Variants in GRIA1 observed in about 807,000 individuals in gnomAD.
GRIA1 encodes the protein glutamate ionotropic receptor AMPA type subunit 1, also known as glutamate receptor 1.
Under a neutral mutation model 99.2 loss-of-function variants are expected in GRIA1, and 31 were observed. The ratio of observed to expected loss-of-function variants is 0.31; its 90% confidence interval spans 0.23 to 0.42. The LOEUF (loss-of-function observed/expected upper bound fraction) is 0.42, where lower values mean the gene tolerates loss of function less well. GRIA1 is among the 10% of genes least tolerant of loss of function. The pLI is 1.00. For synonymous variants in GRIA1, 438 were observed against 432.4 expected (o/e 1.01, Z -0.16); for missense variants, 782 against 1,157.5 (o/e 0.68, Z 4.71).
rs748631549 is a variant in GRIA1 at position 153,650,425 on chromosome 5, C to T, written c.556C>T (p.Arg186Trp). The change falls in exon 4 of 16, where the codon CGG becomes TGG. Residue 186 changes from arginine to tryptophan, a missense_variant. Arg to Trp is a moderately radical substitution (Grantham distance 101, BLOSUM62 -3). This residue lies in a region of GRIA1 where 461 missense variants were observed against 521.7 expected (regional missense o/e 0.88). Coordinates refer to ENST00000285900, the MANE Select transcript of GRIA1 (RefSeq NM_000827.4). The part of the protein sequence containing the change: ...NILTTTEEGY[R>W]MLFQDLEKKK... ...TTTGACAACCACAGAGGAGGGATAC[C>T]GGATGCTCTTTCAGGACCTGGAGAA... is the stretch of plus-strand genomic sequence containing the variant. 32 of 1,613,796 alleles carry T rather than the reference C, an allele frequency of 2.0e-5. No individual in the cohort carries two copies. The highest frequency in any genetic ancestry group is 1.7e-5 in the Admixed American group (1 of 59,968).
chr5:153,545,910 T>G lies in GRIA1; in HGVS notation c.220+51845T>G, dbSNP rs558057846. ...CGGCCAACCCCTGTTTAAGGCATGA[T>G]GGCCCTGCCTATTAGCAAATATGTC... On this transcript the variant is annotated intron_variant, in intron 2 of 15. Coordinates refer to ENST00000285900, the MANE Select transcript of GRIA1 (RefSeq NM_000827.4). 8.5e-5 allele frequency among the ~76,000 whole-genome samples: 13 copies of G among 152,366 alleles called. No homozygotes were observed. The South Asian group carries it at 2.5e-3, about 29-fold the overall frequency.
At position 153,542,618 on chromosome 5, in the gene GRIA1, G is replaced by T. The variant is rs561196171; in HGVS notation, c.220+48553G>T. Among the ~76,000 whole-genome samples, 5 of 152,344 alleles carry T rather than the reference G, an allele frequency of 3.3e-5. No homozygotes were observed. The South Asian group carries it at 1.0e-3, about 32-fold the overall frequency. On this transcript the variant is annotated intron_variant, in intron 2 of 15. Transcript: ENST00000285900. ...AATAATTCCATGTCCCAGATTGAAG[G>T]TTTACAGCAGATATACAGTGGAGTG...
intron 2 of GRIA1, among the ~76,000 whole-genome samples, chr5:153,548,970 T>C (rs1470539085): frequency 1.6e-5 from 2 of 125,524 alleles, no homozygotes; most frequent in Non-Finnish European, 4.0e-5. Context: ...TCATAATGTG[T>C]TCAACAGAGT....
chr5:153,714,715 C>T (rs141616373), intron 11 of GRIA1, among the ~76,000 whole-genome samples: 45 of 152,296 alleles, frequency 3.0e-4, no homozygotes, highest in African/African-American at 1.0e-3. Context: ...TGCTGAAACC[C>T]CTATGGGGAG....
chr5:153,719,405 G>A (rs1321106850), intron 11 of GRIA1, among the ~76,000 whole-genome samples: 1 of 151,964 alleles, frequency 6.6e-6, no homozygotes, highest in African/African-American at 2.4e-5. Flanking sequence ...GCTTGTATCT[G>A]GAGCCTTCGA....
At chr5:153,605,323 G>A (rs1010397460) in intron 2 of GRIA1, among the ~76,000 whole-genome samples, 4 of 152,190 alleles carry the variant, frequency 2.6e-5, no homozygotes, top group South Asian at 2.1e-4. Context: ...CCTCATGATT[G>A]TAGATAGGTG....
chr5:153,526,007 C>T (rs761043417), intron 2 of GRIA1, among the ~76,000 whole-genome samples: 5 of 152,166 alleles, frequency 3.3e-5, no homozygotes, highest in Admixed American at 1.3e-4. Context: ...AAAACTACTC[C>T]TGTGGAAATT....
intron 2 of GRIA1, among the ~76,000 whole-genome samples, chr5:153,628,390 G>T (rs544512798): frequency 6.6e-6 from 1 of 152,296 alleles, no homozygotes; most frequent in East Asian, 1.9e-4. Context: ...TCATTTCTGT[G>T]TGCCCTTGAA....
chr5:153,784,395 T>C (rs1764837406), intron 13 of GRIA1, among the ~76,000 whole-genome samples: 1 of 90,520 alleles, frequency 1.1e-5, no homozygotes, highest in Non-Finnish European at 2.1e-5. Context: ...TCTGTATATA[T>C]CATTTGCTTT....
intron 5 of GRIA1, among the ~76,000 whole-genome samples, chr5:153,658,989 CA>C (rs1216056021): frequency 9.0e-6 from 1 of 111,606 alleles, no homozygotes; most frequent in African/African-American, 3.2e-5. Context: ...AAAACAAAAA[CA>C]AACAAACAAA....
intron 11 of GRIA1, among the ~76,000 whole-genome samples, chr5:153,726,484 A>G (rs1014325692): frequency 4.6e-5 from 7 of 150,696 alleles, no homozygotes; most frequent in African/African-American, 1.7e-4. Context: ...CAAAATTGAT[A>G]GACCACTAGC....
intron 11 of GRIA1, among the ~76,000 whole-genome samples, chr5:153,756,970 G>T (rs1762874362): frequency 6.6e-6 from 1 of 152,146 alleles, no homozygotes; most frequent in African/African-American, 2.4e-5. Flanking sequence ...GACAAAACAT[G>T]ACACCAATGA....
At chr5:153,576,071 C>T (rs548935056) in intron 2 of GRIA1, among the ~76,000 whole-genome samples, 5 of 152,156 alleles carry the variant, frequency 3.3e-5, no homozygotes, top group African/African-American at 1.2e-4. Context: ...CTACTTCTAC[C>T]GCTTGTTAGT....
At chr5:153,810,899 G>T in intron 15 of GRIA1, 126 bp from the exon 16 acceptor site, 1 of 709,862 alleles carries the variant, frequency 1.4e-6, no homozygotes, top group South Asian at 1.6e-5. Flanking sequence ...AATTAGCGTT[G>T]TAGAATAGGA....
intron 11 of GRIA1, among the ~76,000 whole-genome samples, chr5:153,725,296 C>T (rs537548784): frequency 1.9e-4 from 29 of 151,680 alleles, no homozygotes; most frequent in African/African-American, 7.0e-4. Flanking sequence ...CAAAATCATG[C>T]CAAATTGTAA....
At chr5:153,532,457 C>A (rs913099843) in intron 2 of GRIA1, among the ~76,000 whole-genome samples, 6 of 152,194 alleles carry the variant, frequency 3.9e-5, no homozygotes, top group Admixed American at 2.0e-4. Context: ...TGGCAAGTGG[C>A]AGACACCCAA....
At chr5:153,602,322 T>C (rs536850793) in intron 2 of GRIA1, among the ~76,000 whole-genome samples, 28 of 151,502 alleles carry the variant, frequency 1.8e-4, no homozygotes, top group South Asian at 2.1e-4. Context: ...TAGGTGGGAA[T>C]TGAACAATGA....
rs1757326312 is a variant in GRIA1, at chr5:153,686,171, A to G, written c.1030-54A>G. On this transcript the variant is annotated intron_variant, in intron 7 of 15. Coordinates refer to ENST00000285900, the MANE Select transcript of GRIA1 (RefSeq NM_000827.4). ...ATTTCTACTTCAGTGGAAAAAGCAA[A>G]CACACATAAAGTACATCTGAGTTCA... is the stretch of plus-strand genomic sequence containing the variant. The G allele has an allele frequency of 3.1e-6, 4 of 1,291,426 alleles. No individual in the cohort carries two copies. The South Asian group carries it at 3.5e-5, about 11-fold the overall frequency. 80.0% of individuals were successfully genotyped at this position (1,291,426 alleles called of 1,614,324 possible). A position where few individuals can be genotyped will look rare whatever the true frequency, so the allele number is the denominator to read the frequency against.
At chr5:153,759,249 G>A (rs1763023443) in intron 11 of GRIA1, among the ~76,000 whole-genome samples, 1 of 150,370 alleles carries the variant, frequency 6.7e-6, no homozygotes, top group Non-Finnish European at 1.5e-5. Context: ...ATAAAATAGG[G>A]GCTAAAAACA....
Sources: gnomAD v4.1 joint callset for allele counts (sites outside exome capture counted in the v4.1 genomes callset) on GRCh38, gnomAD v4.1.1 for gene constraint, gnomAD v4.1.1 regional missense constraint, MANE v1.5 for transcripts, NCBI Gene and HGNC (gene_info 2026-07-23, HGNC 2026-07-21) for gene names.